DOK6: variants seen among roughly 807,000 people sequenced by gnomAD.
DOK6 encodes docking protein 6.
DOK6 carries 22 observed loss-of-function variants against 44.0 expected under a neutral mutation model. The observed-to-expected ratio is 0.50, with a 90% CI of 0.36 to 0.71. DOK6 has a LOEUF of 0.71. Among genes scored for constraint, DOK6 ranks in the 30% least tolerant of loss-of-function variants. DOK6 has a pLI of 0.00. For missense variants in DOK6, 340 were observed against 416.4 expected (o/e 0.82, Z 1.60); for synonymous variants, 166 against 145.5 (o/e 1.14, Z -1.01).
intron 3 of DOK6, among the ~76,000 whole-genome samples, chr18:69,602,906 G>A (rs1427463710): frequency 6.6e-6 from 1 of 152,124 alleles, no homozygotes; most frequent in African/African-American, 2.4e-5. Flanking sequence ...TCCTATTATA[G>A]AATGCTTTCA....
intron 5 of DOK6, among the ~76,000 whole-genome samples, chr18:69,716,692 C>CAAAAAAAAAAA (rs11351701): frequency 1.9e-5 from 2 of 104,776 alleles, no homozygotes; most frequent in Non-Finnish European, 1.9e-5. Context: ...GCAGAATTGA[C>CAAAAAAAAAAA]AAAAAAAAAA....
rs144446072 is a variant in DOK6 at position 69,594,041 on chromosome 18, A to G, written c.175-5343A>G. 6.8e-4 allele frequency among the ~76,000 whole-genome samples: 104 copies of G among 152,300 alleles called. No individual in the cohort carries two copies. The East Asian group carries it at 0.019, about 28-fold the overall frequency. ...TAAATATCACTTGATTCCATTAATC[A>G]TTTAAAAATTACAAAGTTAAGCTTT... On this transcript the variant is annotated intron_variant, in intron 2 of 7. Transcript: ENST00000382713.
chr18:69,493,525 G>A (rs1354701140), intron 1 of DOK6, among the ~76,000 whole-genome samples: 1 of 152,060 alleles, frequency 6.6e-6, no homozygotes, highest in Non-Finnish European at 1.5e-5. Flanking sequence ...GCCACTCTAG[G>A]GGATATTAAT....
chr18:69,563,647 G>A (rs1274085616), intron 1 of DOK6, among the ~76,000 whole-genome samples: 1 of 129,844 alleles, frequency 7.7e-6, no homozygotes, highest in Non-Finnish European at 1.6e-5. Context: ...ACTGGGGCCT[G>A]TTGCGGGGTG....
At position 69,430,221 on chromosome 18, in the gene DOK6, C is replaced by A. The variant is rs1430566418; in HGVS notation, c.66+28911C>A. 2.0e-5 allele frequency among the ~76,000 whole-genome samples: 3 copies of A among 152,272 alleles called. No individual in the cohort carries two copies. In the South Asian group the frequency reaches 6.2e-4, roughly 32 times the overall value. ...CTTAGGTTGTCTACATCAAAACTGTCATCTTTTTAACATCCAATTTTAGAA... is the reference window on the plus strand; with the variant it reads ...CTTAGGTTGTCTACATCAAAACTGTAATCTTTTTAACATCCAATTTTAGAA... On this transcript the variant is annotated intron_variant, in intron 1 of 7. Coordinates refer to ENST00000382713, the MANE Select transcript of DOK6 (RefSeq NM_152721.6).
intron 5 of DOK6, among the ~76,000 whole-genome samples, chr18:69,703,229 T>C (rs1331603920): frequency 1.3e-5 from 2 of 152,188 alleles, no homozygotes; most frequent in Non-Finnish European, 2.9e-5. Flanking sequence ...TGATGCAAAT[T>C]TTTTTCATGG....
At chr18:69,541,242 T>C (rs1568290564) in intron 1 of DOK6, among the ~76,000 whole-genome samples, 1 of 151,450 alleles carries the variant, frequency 6.6e-6, no homozygotes, top group Admixed American at 6.6e-5. Context: ...GCCACTAAAA[T>C]TGCAGACTAC....
At chr18:69,419,203 C>G (rs928817687) in intron 1 of DOK6, among the ~76,000 whole-genome samples, 1 of 152,098 alleles carries the variant, frequency 6.6e-6, no homozygotes, top group Non-Finnish European at 1.5e-5. Flanking sequence ...AAGTTCAATG[C>G]CTTTTCAATG....
chr18:69,678,456 G>T (rs923429274), intron 4 of DOK6, among the ~76,000 whole-genome samples: 2 of 152,114 alleles, frequency 1.3e-5, no homozygotes, highest in Non-Finnish European at 2.9e-5. Flanking sequence ...TCTTCTTGGA[G>T]ACTTATTATA....
chr18:69,624,901 C>G (rs888744690), intron 3 of DOK6, among the ~76,000 whole-genome samples: 2 of 151,982 alleles, frequency 1.3e-5, no homozygotes, highest in African/African-American at 4.8e-5. Context: ...ACATGTTTTC[C>G]CAAACATTTT....
At chr18:69,641,529 A>AGAT in intron 3 of DOK6, among the ~76,000 whole-genome samples, 1 of 152,328 alleles carries the variant, frequency 6.6e-6, no homozygotes, top group East Asian at 1.9e-4. Flanking sequence ...TTAAAGAAGC[A>AGAT]GATGCTTAAA....
chr18:69,707,990 A>T (rs1409290256), intron 5 of DOK6, among the ~76,000 whole-genome samples: 1 of 152,218 alleles, frequency 6.6e-6, no homozygotes, highest in Non-Finnish European at 1.5e-5. Context: ...CGCACAGCAC[A>T]GGCAGAGCAC....
intron 5 of DOK6, among the ~76,000 whole-genome samples, chr18:69,702,228 C>G (rs1337460105): frequency 6.7e-6 from 1 of 149,292 alleles, no homozygotes; most frequent in Non-Finnish European, 1.5e-5. Flanking sequence ...TGCTGGGACT[C>G]TAAGATTTTC....
Position 69,845,807 on chromosome 18 carries a change from T to C in DOK6, c.*4424T>C, listed in dbSNP as rs1419084512. ...AGGCCACTAGAGGAAGTCACTACAT[T>C]CCCAACAAAGATGTGTCTTTCGGCT... On this transcript the variant is annotated 3_prime_UTR_variant, in exon 8 of 8. Coordinates refer to ENST00000382713, the MANE Select transcript of DOK6 (RefSeq NM_152721.6). The C allele has an allele frequency of 6.6e-6, 1 of 152,088 alleles. No individual in the cohort carries two copies. Among genetic ancestry groups the C allele is most frequent in the Non-Finnish European group, 1.5e-5 (1 of 68,016 alleles). The allele number at this position is 152,088 out of a possible 1,614,324, so 9.4% of individuals were successfully genotyped here.
chr18:69,527,362 A>C (rs2144569725), intron 1 of DOK6, among the ~76,000 whole-genome samples: 1 of 152,356 alleles, frequency 6.6e-6, no homozygotes, highest in Non-Finnish European at 1.5e-5. Flanking sequence ...GAAACTTACA[A>C]TCATAGCAGA....
intron 1 of DOK6, among the ~76,000 whole-genome samples, chr18:69,560,544 A>G (rs1332074745): frequency 6.6e-6 from 1 of 152,186 alleles, no homozygotes; most frequent in Non-Finnish European, 1.5e-5. Context: ...GTTTATTGAT[A>G]CTATATATAA....
rs1046486148 is a variant in DOK6 at position 69,626,116 on chromosome 18, A to G, written c.289+26618A>G. On this transcript the variant is annotated intron_variant, in intron 3 of 7. Coordinates refer to ENST00000382713, the MANE Select transcript of DOK6 (RefSeq NM_152721.6). ...TTAACACTGCCTGTAATTTAAAACA[A>G]GCTAGTAATCCATTGTATTTTTCTG... Among the ~76,000 whole-genome samples the G allele has an allele frequency of 3.3e-5, 5 of 152,236 alleles. No homozygotes were observed. In the East Asian group the frequency reaches 5.8e-4, roughly 18 times the overall value.
intron 3 of DOK6, among the ~76,000 whole-genome samples, chr18:69,622,157 G>T: frequency 6.6e-6 from 1 of 152,106 alleles, no homozygotes; most frequent in Non-Finnish European, 1.5e-5. Context: ...ATTTTCCAAA[G>T]AAATCCTTTC....
chr18:69,480,614 G>A (rs903223435), intron 1 of DOK6, among the ~76,000 whole-genome samples: 1 of 152,084 alleles, frequency 6.6e-6, no homozygotes, highest in Non-Finnish European at 1.5e-5. Flanking sequence ...AGATCTATTT[G>A]TCAGTTGAAC....
Sources: allele counts gnomAD v4.1 joint callset (sites outside exome capture counted in the v4.1 genomes callset), GRCh38; gene constraint gnomAD v4.1.1; transcripts MANE v1.5; gene names NCBI Gene and HGNC (gene_info 2026-07-23, HGNC 2026-07-21).